CTNNA2: variants seen among roughly 807,000 people sequenced by gnomAD.
CTNNA2 encodes catenin alpha-2.
Under a neutral mutation model 101.0 loss-of-function variants are expected in CTNNA2, and 42 were observed. The observed-to-expected ratio is 0.42, with a 90% confidence interval of 0.32 to 0.54. CTNNA2 has a LOEUF of 0.54. Ranked by LOEUF, CTNNA2 falls within the 20% of genes least tolerant of loss-of-function variation. CTNNA2 has a pLI of 0.14. For synonymous variants in CTNNA2, 450 were observed against 456.4 expected, an observed-to-expected ratio of 0.99 and a Z score of 0.18; for missense variants, 871 against 1,223.1, an observed-to-expected ratio of 0.71 and a Z score of 4.29.
chr2:79,862,443 G>T (rs577033471), intron 4 of CTNNA2, among the ~76,000 whole-genome samples: 4 of 152,118 alleles, frequency 2.6e-5, no homozygotes, highest in Non-Finnish European at 5.9e-5. Flanking sequence ...CTACTTTTTA[G>T]TCCTGAAGTT....
At chr2:79,778,500 A>G (rs994642810) in intron 3 of CTNNA2, among the ~76,000 whole-genome samples, 6 of 152,044 alleles carry the variant, frequency 3.9e-5, no homozygotes, top group Non-Finnish European at 7.4e-5. Context: ...AATTCATGGG[A>G]AAAAAAACCT....
chr2:80,490,187 C>T (rs1431915504), intron 9 of CTNNA2, among the ~76,000 whole-genome samples: 3 of 151,592 alleles, frequency 2.0e-5, no homozygotes, highest in African/African-American at 4.9e-5. Context: ...CACATTAGAC[C>T]GTGGATAAAT....
intron 18 of CTNNA2, among the ~76,000 whole-genome samples, chr2:80,641,705 T>C (rs2149857105): frequency 6.6e-6 from 1 of 152,266 alleles, no homozygotes; most frequent in Non-Finnish European, 1.5e-5. Context: ...TATTCCCTAC[T>C]TAACCAAGGA....
In CTNNA2 at chr2:79,267,471, C is replaced by T. The variant is rs1466354383; in HGVS notation, c.-405-45238C>T. On this transcript the variant is annotated intron_variant, in intron 2 of 21. Coordinates refer to the CTNNA2 transcript ENST00000466387. ...ATTAATGAGAGGTGAGGCCTCATGACCTAATCACCTACGAAAGGCCCCACC... is the reference window on the plus strand; with the variant it reads ...ATTAATGAGAGGTGAGGCCTCATGATCTAATCACCTACGAAAGGCCCCACC... Among the ~76,000 whole-genome samples the T allele has an allele frequency of 2.6e-5, 4 of 152,082 alleles. No individual in the cohort carries two copies. The East Asian group carries it at 7.7e-4, about 29-fold the overall frequency.
intron 8 of CTNNA2, among the ~76,000 whole-genome samples, chr2:80,401,346 A>T (rs1678530588): frequency 6.6e-6 from 1 of 152,128 alleles, no homozygotes; most frequent in African/African-American, 2.4e-5. Context: ...CTCTGGTTCC[A>T]TTGTCTCAAG....
intron 2 of CTNNA2, among the ~76,000 whole-genome samples, chr2:79,728,819 A>T (rs374070576): frequency 6.6e-6 from 1 of 152,162 alleles, no homozygotes; most frequent in Admixed American, 6.5e-5. Context: ...CCAGCACCAT[A>T]TATTAAATAG....
chr2:79,676,830 C>T (rs1683217905), intron 2 of CTNNA2, among the ~76,000 whole-genome samples: 2 of 152,222 alleles, frequency 1.3e-5, no homozygotes, highest in African/African-American at 4.8e-5. Context: ...ATAAATACAT[C>T]AGCTATCTAG....
At chr2:80,447,987 C>G (rs17261573) in intron 9 of CTNNA2, among the ~76,000 whole-genome samples, 62,033 of 152,120 alleles carry the variant, frequency 0.41, 18,449 homozygotes, top group African/African-American at 0.81. Flanking sequence ...AGAATGTTCT[C>G]CCGAATATTT....
At position 79,284,469 on chromosome 2, in the gene CTNNA2, AG is replaced by A. The variant is rs1166903875; in HGVS notation, c.-405-28237del. Among the ~76,000 whole-genome samples the A allele has an allele frequency of 4.6e-4, 70 of 151,344 alleles. 1 individual carries two copies. The highest frequency in any genetic ancestry group is 9.1e-4 in the Non-Finnish European group (62 of 67,884). ...ACTTTATTGAGAGTTTTTAGCATGA[AG>A]GGTTGTTGAATTTTGTCAAAGGCTT... On this transcript the variant is annotated intron_variant, in intron 2 of 21. Coordinates refer to the CTNNA2 transcript ENST00000466387.
intron 3 of CTNNA2, among the ~76,000 whole-genome samples, chr2:79,761,134 A>AT (rs138574095): frequency 1.7e-4 from 26 of 152,282 alleles, no homozygotes; most frequent in Non-Finnish European, 2.2e-4. Flanking sequence ...TAAAGACATG[A>AT]TTTTTCCTTT....
At chr2:80,138,904 C>A (rs867725652) in intron 7 of CTNNA2, among the ~76,000 whole-genome samples, 3 of 151,856 alleles carry the variant, frequency 2.0e-5, no homozygotes, top group Non-Finnish European at 4.4e-5. Context: ...TTTTTTGTGC[C>A]CCTCTCCCTT....
At chr2:79,933,032 A>G (rs1002300531) in intron 7 of CTNNA2, among the ~76,000 whole-genome samples, 5 of 152,194 alleles carry the variant, frequency 3.3e-5, no homozygotes, top group Admixed American at 6.5e-5. Context: ...TATTTCTAGC[A>G]TATATATTTG....
At chr2:79,880,260 A>C (rs1054965896) in intron 6 of CTNNA2, among the ~76,000 whole-genome samples, 5 of 152,124 alleles carry the variant, frequency 3.3e-5, no homozygotes, top group Admixed American at 6.6e-5. Flanking sequence ...TTCCTTATGG[A>C]TATTGGCATG....
intron 3 of CTNNA2, among the ~76,000 whole-genome samples, chr2:79,370,985 G>C (rs1000816668): frequency 3.9e-5 from 6 of 152,134 alleles, no homozygotes; most frequent in African/African-American, 1.4e-4. Flanking sequence ...GGCTCAGCAG[G>C]ACCCAGGTCA....
chr2:80,313,768 C>A (rs983463360), intron 7 of CTNNA2: 31 of 755,028 alleles, frequency 4.1e-5, no homozygotes, highest in Middle Eastern at 3.0e-4. Flanking sequence ...ATTCTGATGA[C>A]TCCCTTGAAC....
chr2:79,985,677 C>T (rs946139023), intron 7 of CTNNA2, among the ~76,000 whole-genome samples: 6 of 152,162 alleles, frequency 3.9e-5, no homozygotes, highest in Non-Finnish European at 5.9e-5. Context: ...TATATGTTAA[C>T]GTCAATGGAA....
rs188591643 is a variant in CTNNA2 at position 80,298,322 on chromosome 2, T to C, written c.1057-94889T>C. The stretch of plus-strand genomic sequence containing the variant: ...CCACTCATCTAGAGGAGATAATTTA[T>C]GTTTATTTTGACTACCCTGAAACAT... On this transcript the variant is annotated intron_variant, in intron 7 of 18. Coordinates refer to ENST00000402739, the MANE Select transcript of CTNNA2 (RefSeq NM_001282597.3). 6.6e-5 allele frequency: 10 copies of C among 152,320 alleles called. No individual in the cohort carries two copies. In the East Asian group the frequency reaches 1.9e-3, roughly 29 times the overall value. 9.4% of individuals were successfully genotyped at this position (152,320 alleles called of 1,614,324 possible). A position where few individuals can be genotyped will look rare whatever the true frequency, so the allele number is the denominator to read the frequency against.
intron 18 of CTNNA2, among the ~76,000 whole-genome samples, chr2:80,623,119 G>T (rs556093844): frequency 6.7e-6 from 1 of 149,766 alleles, no homozygotes; most frequent in South Asian, 2.1e-4. Context: ...TGATGAGGAT[G>T]ACAACTGTTC....
At chr2:79,535,589 C>T (rs1673008395) in intron 1 of CTNNA2, among the ~76,000 whole-genome samples, 1 of 151,780 alleles carries the variant, frequency 6.6e-6, no homozygotes, top group Non-Finnish European at 1.5e-5. Flanking sequence ...AAAATTATGC[C>T]CTTCAAAATC....
Sources: gnomAD v4.1 joint callset for allele counts (sites outside exome capture counted in the v4.1 genomes callset) on GRCh38, gnomAD v4.1.1 for gene constraint, MANE v1.5 for transcripts, NCBI Gene and HGNC (gene_info 2026-07-23, HGNC 2026-07-21) for gene names.